FIP1L1: variants seen among roughly 807,000 people sequenced by gnomAD.
FIP1L1 encodes the protein factor interacting with PAPOLA and CPSF1.
FIP1L1 carries 21 observed loss-of-function variants against 84.6 expected under a neutral mutation model. The ratio of observed to expected loss-of-function variants is 0.25; its 90% CI spans 0.18 to 0.36. The LOEUF (loss-of-function observed/expected upper bound fraction) is 0.36, where lower values mean the gene tolerates loss of function less well. Ranked by LOEUF, FIP1L1 falls within the 10% of genes least tolerant of loss-of-function variation. The probability of loss-of-function intolerance (pLI) is 1.00; values close to 1 mark genes in which losing one functional copy is unlikely to be tolerated. For missense variants in FIP1L1, 526 were observed against 751.1 expected, an observed-to-expected ratio of 0.70 and a Z score of 3.50; for synonymous variants, 263 against 242.3, an observed-to-expected ratio of 1.09 and a Z score of -0.80.
At chr4:53,398,827 G>A (rs74892414) in intron 9 of FIP1L1, among the ~76,000 whole-genome samples, 5 of 152,276 alleles carry the variant, frequency 3.3e-5, no homozygotes, top group Non-Finnish European at 7.4e-5. Flanking sequence ...AAATTATGGA[G>A]TAAGTAGATA....
chr4:53,428,355 A>G, intron 13 of FIP1L1, 172 bp downstream of exon 13: 1 of 555,228 alleles, frequency 1.8e-6, no homozygotes, highest in Non-Finnish European at 2.8e-6. Context: ...TGCTATTTCA[A>G]TATAGGAAAG....
intron 3 of FIP1L1, among the ~76,000 whole-genome samples, chr4:53,380,410 T>TAC (rs1737198417): frequency 6.6e-6 from 1 of 152,186 alleles, no homozygotes; most frequent in South Asian, 2.1e-4. Context: ...AAGAGTTGGG[T>TAC]GAGTGATTGC....
chr4:53,380,740 T>G (rs1737408988), intron 3 of FIP1L1, among the ~76,000 whole-genome samples: 1 of 152,224 alleles, frequency 6.6e-6, no homozygotes, highest in African/African-American at 2.4e-5. Flanking sequence ...TTCAACTCAG[T>G]TCCTAATTCT....
intron 15 of FIP1L1, among the ~76,000 whole-genome samples, chr4:53,452,517 C>G (rs1346574993): frequency 6.6e-6 from 1 of 152,152 alleles, no homozygotes; most frequent in Non-Finnish European, 1.5e-5. Context: ...CGGGGTTTCA[C>G]CATGTTGACC....
intron 10 of FIP1L1, among the ~76,000 whole-genome samples, chr4:53,406,785 G>C (rs1201098972): frequency 6.6e-6 from 1 of 152,224 alleles, no homozygotes; most frequent in African/African-American, 2.4e-5. Context: ...AGATTTTCTA[G>C]TTTATTTGCG....
intron 13 of FIP1L1, among the ~76,000 whole-genome samples, chr4:53,429,003 TA>T (rs1390611442): frequency 6.6e-6 from 1 of 152,242 alleles, no homozygotes; most frequent in Non-Finnish European, 1.5e-5. Context: ...GAGAGCCATG[TA>T]CTCTCACTCA....
intron 12 of FIP1L1, among the ~76,000 whole-genome samples, chr4:53,427,175 T>A (rs1764671868): frequency 6.6e-6 from 1 of 152,174 alleles, no homozygotes; most frequent in African/African-American, 2.4e-5. Context: ...ACACTGCACT[T>A]AAATGTAGGA....
intron 11 of FIP1L1, among the ~76,000 whole-genome samples, chr4:53,419,593 C>T (rs559292413): frequency 2.4e-4 from 37 of 152,150 alleles, no homozygotes; most frequent in Admixed American, 3.9e-4. Flanking sequence ...GGCATGCCCA[C>T]CATGCTCGGC....
chr4:53,425,415 CA>C (rs1207178206), intron 11 of FIP1L1, among the ~76,000 whole-genome samples: 1 of 151,994 alleles, frequency 6.6e-6, no homozygotes, highest in African/African-American at 2.4e-5. Flanking sequence ...GAATATATCA[CA>C]AGGAAAATAT....
At chr4:53,417,874 G>C (rs1448665038) in intron 11 of FIP1L1, among the ~76,000 whole-genome samples, 1 of 151,204 alleles carries the variant, frequency 6.6e-6, no homozygotes. Flanking sequence ...CTCTCTGTTA[G>C]TGTAAGAAAA....
intron 1 of FIP1L1, 200 bp from the exon 2 acceptor site, chr4:53,378,873 C>G (rs1736219016): frequency 5.3e-6 from 3 of 570,866 alleles, no homozygotes; most frequent in South Asian, 2.6e-5. Context: ...AAAAAAAAAT[C>G]GTTTGGTGGC....
chr4:53,399,072 T>C (rs1178146652), intron 9 of FIP1L1, among the ~76,000 whole-genome samples: 1 of 152,120 alleles, frequency 6.6e-6, no homozygotes, highest in Non-Finnish European at 1.5e-5. Flanking sequence ...AGAATCACTT[T>C]AACCCAGGAG....
intron 11 of FIP1L1, among the ~76,000 whole-genome samples, chr4:53,423,421 A>G (rs1763148259): frequency 6.6e-6 from 1 of 152,142 alleles, no homozygotes; most frequent in Non-Finnish European, 1.5e-5. Context: ...TCATAGGGAA[A>G]CTCTATTAAA....
intron 7 of FIP1L1, 99 bp from the exon 8 acceptor site, chr4:53,390,910 A>G: frequency 9.9e-7 from 1 of 1,008,888 alleles, no homozygotes; most frequent in Non-Finnish European, 1.4e-6. Context: ...GATAACTGAT[A>G]GAACTCTAAA....
rs768980265 is a variant in FIP1L1, at chr4:53,379,118, G to C, written c.130+1G>C. 3.7e-6 allele frequency: 6 copies of C among 1,614,076 alleles called. No individual in the cohort carries two copies. Among genetic ancestry groups the C allele is most frequent in the Admixed American group, 1.7e-5 (1 of 60,030 alleles). On this transcript the variant is annotated splice_donor_variant, in intron 2 of 17. Transcript: ENST00000337488. LOFTEE classifies it high-confidence loss of function. ...CACAGTGATTTGGCAAAGGACCTAG[G>C]TTAGTGCTTGTGATGATCACTTCAG...
chr4:53,443,721 AATTATTTAAG>A (rs1243334388), intron 14 of FIP1L1, among the ~76,000 whole-genome samples: 1 of 152,152 alleles, frequency 6.6e-6, no homozygotes, highest in Admixed American at 6.5e-5. Flanking sequence ...CCAAAAAACC[AATTATTTAAG>A]ACTAAATTTT....
intron 15 of FIP1L1, among the ~76,000 whole-genome samples, chr4:53,447,245 G>T (rs1260572974): frequency 4.6e-5 from 7 of 151,720 alleles, no homozygotes; most frequent in African/African-American, 1.5e-4. Flanking sequence ...TATGTATTTT[G>T]CTCAGTTATC....
At chr4:53,402,546 AC>A (rs1434240978) in intron 10 of FIP1L1, among the ~76,000 whole-genome samples, 2 of 152,266 alleles carry the variant, frequency 1.3e-5, no homozygotes, top group Non-Finnish European at 2.9e-5. Flanking sequence ...AACTAAAAAT[AC>A]AAAAATTAGC....
intron 16 of FIP1L1, among the ~76,000 whole-genome samples, chr4:53,457,198 G>A (rs969472284): frequency 7.9e-5 from 12 of 152,060 alleles, no homozygotes; most frequent in African/African-American, 2.9e-4. Flanking sequence ...TGAGAAAACC[G>A]AGGTTTAGAG....
Sources: gnomAD v4.1 joint callset for allele counts (sites outside exome capture counted in the v4.1 genomes callset) on GRCh38, gnomAD v4.1.1 for gene constraint, MANE v1.5 for transcripts, NCBI Gene and HGNC (gene_info 2026-07-23, HGNC 2026-07-21) for gene names.